Variants in SEMA6D observed in about 807,000 individuals in gnomAD.
The protein encoded by SEMA6D is semaphorin 6D.
A neutral mutation model predicts 106.6 loss-of-function variants in SEMA6D; 35 were observed. The observed-to-expected ratio is 0.33, with a 90% CI of 0.25 to 0.44. The LOEUF (loss-of-function observed/expected upper bound fraction) is 0.44, where lower values mean the gene tolerates loss of function less well. Among genes scored for constraint, SEMA6D ranks in the 20% least tolerant of loss-of-function variants. SEMA6D has a pLI of 1.00. For missense variants in SEMA6D, 1,185 were observed against 1,345.9 expected, an observed-to-expected ratio of 0.88 and a Z score of 1.87; for synonymous variants, 499 against 487.7, an observed-to-expected ratio of 1.02 and a Z score of -0.31.
intron 1 of SEMA6D, among the ~76,000 whole-genome samples, chr15:47,365,912 AGAGAGAGAGAG>A (rs2039006868): frequency 6.8e-6 from 1 of 148,062 alleles, no homozygotes; most frequent in Admixed American, 6.8e-5. Context: ...AGAGAGAGAG[AGAGAGAGAGAG>A]AAAAGAAAGA....
intron 4 of SEMA6D, among the ~76,000 whole-genome samples, chr15:47,641,775 C>A (rs1247553269): frequency 6.6e-6 from 1 of 152,214 alleles, no homozygotes; most frequent in Admixed American, 6.5e-5. Context: ...CTTGAATCCA[C>A]CACTCCCTCT....
At chr15:47,764,414 C>A in intron 11 of SEMA6D, 109 bp downstream of exon 11, 1 of 1,375,198 alleles carries the variant, frequency 7.3e-7, no homozygotes, top group Non-Finnish European at 9.9e-7. Flanking sequence ...AGGAAGGGGT[C>A]CCTCTCTCAG....
intron 1 of SEMA6D, among the ~76,000 whole-genome samples, chr15:47,737,368 T>C (rs1238769797): frequency 1.3e-5 from 2 of 152,194 alleles, no homozygotes; most frequent in Non-Finnish European, 2.9e-5. Flanking sequence ...GGAAGGTAAC[T>C]TAATGTTTTT....
intron 1 of SEMA6D, among the ~76,000 whole-genome samples, chr15:47,381,701 A>G (rs1187537694): frequency 6.6e-6 from 1 of 152,252 alleles, no homozygotes; most frequent in Non-Finnish European, 1.5e-5. Flanking sequence ...AAAAGAAGAA[A>G]ACATACAACT....
rs185904961 is a variant in SEMA6D, at chr15:47,314,455, G to A, written c.-238-97938G>A. Among the ~76,000 whole-genome samples, 1,202 of 149,454 alleles carry A rather than the reference G, an allele frequency of 8.0e-3. 31 individuals carry two copies. The highest frequency in any genetic ancestry group is 0.061 in the Admixed American group (914 of 14,890). On this transcript the variant is annotated intron_variant, in intron 1 of 19. Coordinates refer to the SEMA6D transcript ENST00000558014. The stretch of plus-strand genomic sequence containing the variant: ...CTACTAAAAATACAAAAAATTAGCC[G>A]GGCGTAGTGGCGGGCGCCTGTAGTC...
intron 3 of SEMA6D, among the ~76,000 whole-genome samples, chr15:47,481,484 C>T (rs778965105): frequency 6.6e-6 from 1 of 152,140 alleles, no homozygotes. Context: ...TGGGATATTT[C>T]TCATGGTTCT....
intron 1 of SEMA6D, among the ~76,000 whole-genome samples, chr15:47,319,423 T>A (rs2036834190): frequency 6.6e-6 from 1 of 152,206 alleles, no homozygotes; most frequent in African/African-American, 2.4e-5. Context: ...TAGGCTTTTA[T>A]TGGTGGTAAG....
Position 47,768,588 on chromosome 15 carries a change from G to A in SEMA6D, c.1773G>A (p.Glu591=). ...KIFGGPTSDM[E]VSSSSVTTMA... ...ATCTGTTTGCCACCACAGACATGGA[G>A]GTATCTTCATCTTCTGTTACCACAA... Residue 591 remains glutamate (E), a synonymous_variant, in exon 18 of 19, where the codon GAG becomes GAA. Coordinates refer to ENST00000536845, the MANE Select transcript of SEMA6D (RefSeq NM_001358351.3). 4 of 1,609,394 alleles carry A rather than the reference G, an allele frequency of 2.5e-6. No individual in the cohort carries two copies. The highest frequency in any genetic ancestry group is 3.4e-6 in the Non-Finnish European group (4 of 1,176,952).
At chr15:47,606,922 ACC>A (rs2076793781) in intron 4 of SEMA6D, among the ~76,000 whole-genome samples, 1 of 152,052 alleles carries the variant, frequency 6.6e-6, no homozygotes, top group Non-Finnish European at 1.5e-5. Flanking sequence ...CCTGGCCCAA[ACC>A]ACAGGACCTG....
intron 2 of SEMA6D, among the ~76,000 whole-genome samples, chr15:47,467,707 T>C (rs377444641): frequency 6.6e-6 from 1 of 152,182 alleles, no homozygotes; most frequent in East Asian, 1.9e-4. Context: ...ACTCATTGTC[T>C]CTTTTCTTTC....
chr15:47,645,962 C>A (rs779432877), intron 4 of SEMA6D, among the ~76,000 whole-genome samples: 12 of 152,166 alleles, frequency 7.9e-5, no homozygotes, highest in Admixed American at 2.6e-4. Context: ...CTTCCGTGTC[C>A]TCTCAGGGAG....
intron 1 of SEMA6D, among the ~76,000 whole-genome samples, chr15:47,363,103 A>C (rs376240531): frequency 6.6e-6 from 1 of 152,116 alleles, no homozygotes; most frequent in African/African-American, 2.4e-5. Context: ...TGTTCTATGA[A>C]GTTGTACTGT....
chr15:47,251,490 G>T (rs1270037464), intron 1 of SEMA6D, among the ~76,000 whole-genome samples: 1 of 152,052 alleles, frequency 6.6e-6, no homozygotes, highest in African/African-American at 2.4e-5. Context: ...GTTCTCTTCT[G>T]GATGTGCTAC....
chr15:47,327,752 A>G (rs532633752), intron 1 of SEMA6D, among the ~76,000 whole-genome samples: 112 of 152,148 alleles, frequency 7.4e-4, no homozygotes, highest in Non-Finnish European at 1.3e-3. Flanking sequence ...GCTTCTCTCT[A>G]TGGGGGAAGG....
chr15:47,408,876 A>G (rs1788747496), intron 1 of SEMA6D, among the ~76,000 whole-genome samples: 1 of 152,224 alleles, frequency 6.6e-6, no homozygotes, highest in Admixed American at 6.5e-5. Flanking sequence ...ATTCCAAAGC[A>G]CACAGGCAGG....
intron 4 of SEMA6D, among the ~76,000 whole-genome samples, chr15:47,708,061 C>A (rs1373776414): frequency 6.6e-6 from 1 of 152,182 alleles, no homozygotes; most frequent in African/African-American, 2.4e-5. Context: ...TCTGTCCTGA[C>A]CCCTACATTA....
At chr15:47,225,820 G>A (rs994850828) in intron 1 of SEMA6D, among the ~76,000 whole-genome samples, 6 of 151,956 alleles carry the variant, frequency 3.9e-5, no homozygotes, top group Admixed American at 6.6e-5. Flanking sequence ...GTGAGCCACC[G>A]CGCCCAGTCT....
intron 1 of SEMA6D, among the ~76,000 whole-genome samples, chr15:47,284,283 A>G (rs2035260553): frequency 6.6e-6 from 1 of 152,244 alleles, no homozygotes; most frequent in African/African-American, 2.4e-5. Context: ...TATCACTCAC[A>G]TCATATAATT....
intron 1 of SEMA6D, among the ~76,000 whole-genome samples, chr15:47,190,036 A>G (rs545600273): frequency 5.1e-4 from 77 of 152,328 alleles, no homozygotes; most frequent in South Asian, 1.0e-3. Context: ...GTAAATTCGC[A>G]TTGTGCAGCT....
Sources: allele counts gnomAD v4.1 joint callset (sites outside exome capture counted in the v4.1 genomes callset), GRCh38; gene constraint gnomAD v4.1.1; transcripts MANE v1.5; gene names NCBI Gene and HGNC (gene_info 2026-07-23, HGNC 2026-07-21).